The following FUOM variants were observed in gnomAD, a reference collection of about 807,000 sequenced individuals.
FUOM encodes protein fucU homolog.
In FUOM, 19 loss-of-function variants were observed where a neutral mutation model predicts 18.3. That is an observed-to-expected ratio of 1.04 (90% CI 0.73 to 1.53). The LOEUF (loss-of-function observed/expected upper bound fraction) is 1.53, where lower values mean the gene tolerates loss of function less well. FUOM is among the 40% of genes most tolerant of loss of function. The pLI, the probability that FUOM is intolerant of heterozygous loss-of-function variation, is 0.00. For synonymous variants in FUOM, 102 were observed against 87.9 expected (o/e 1.16, Z -0.90); for missense variants, 210 against 200.9 (o/e 1.04, Z -0.27).
intron 4 of FUOM, among the ~76,000 whole-genome samples, chr10:133,356,033 G>A (rs898040344): frequency 2.0e-5 from 3 of 152,198 alleles, no homozygotes; most frequent in African/African-American, 7.2e-5. Context: ...CCATGCTTGG[G>A]TCTCTGCCTG....
rs112587476 is a variant in FUOM at position 133,356,577 on chromosome 10, C to T, written c.324+63G>A. 58 of 1,313,380 alleles carry T rather than the reference C, an allele frequency of 4.4e-5. No homozygotes were observed. The African/African-American group carries it at 6.6e-4, about 15-fold the overall frequency. 81.4% of individuals were successfully genotyped at this position (1,313,380 alleles called of 1,614,324 possible). ...TTGGGACCCTCTGTCTTTGGCTCCT[C>T]CTGAGCCTCCAGGAGACAGAGGGTC... On this transcript the variant is annotated intron_variant, in intron 4 of 5. Transcript: ENST00000278025.
intron 1 of FUOM, chr10:133,357,456 T>C (rs1848846242): frequency 1.6e-6 from 1 of 627,988 alleles, no homozygotes. Context: ...GAGGGCAAGG[T>C]CCCTGCCTGG....
At chr10:133,353,287 C>G (rs1452941354), downstream of FUOM, among the ~76,000 whole-genome samples, 1 of 152,206 alleles carries the variant, frequency 6.6e-6, no homozygotes. Flanking sequence ...CTCTGGGTGC[C>G]CATCCTGTCC....
rs1848752764 is a variant in FUOM at position 133,355,348 on chromosome 10, G to A, written c.*22C>T. 2.5e-6 allele frequency: 4 copies of A among 1,585,586 alleles called. No homozygotes were observed. In the African/African-American group the frequency reaches 4.0e-5, roughly 16 times the overall value. On this transcript the variant is annotated 3_prime_UTR_variant, in exon 6 of 6. Transcript: ENST00000278025. ...CAGGGTGCCCCCAGTTCCTCTTCCG[G>A]CCCAGGTGGTCTTCACCAGGCCTAC... is the stretch of plus-strand genomic sequence containing the variant.
intron 5 of FUOM, 138 bp from the exon 6 acceptor site, chr10:133,355,574 C>CTGAGA: frequency 1.2e-6 from 2 of 1,604,332 alleles, no homozygotes; most frequent in African/African-American, 2.7e-5. Context: ...GCCCTGCCCC[C>CTGAGA]CCGAAATTCC....
chr10:133,357,080 A>G, intron 2 of FUOM, 67 bp from the exon 3 acceptor site: 1 of 1,540,212 alleles, frequency 6.5e-7, no homozygotes, highest in South Asian at 1.2e-5. Context: ...TGCACCCTTC[A>G]CACTGCAAGC....
At position 133,357,014 on chromosome 10, in the gene FUOM, C is replaced by T. The variant is rs369661640; in HGVS notation, c.155-1G>A. ...TCCAGGAGCTGCGGGATGCCCAGGC[C>T]TGGAGGGCAGAGGAGGCAGCACTCA... On this transcript the variant is annotated splice_acceptor_variant, in intron 2 of 5. Coordinates refer to ENST00000278025, the MANE Select transcript of FUOM (RefSeq NM_001098483.3). LOFTEE classifies it high-confidence loss of function. 6 of 1,549,984 alleles carry T rather than the reference C, an allele frequency of 3.9e-6. No homozygotes were observed. Among genetic ancestry groups the T allele is most frequent in the Non-Finnish European group, 4.4e-6 (5 of 1,146,926 alleles).
At chr10:133,357,899 G>T in intron 1 of FUOM, 24 bp downstream of exon 1, 1 of 1,513,244 alleles carries the variant, frequency 6.6e-7, no homozygotes. Context: ...GGTGCTCCCC[G>T]AGGCCCCGGC....
At chr10:133,353,834 G>T (rs1458097840), downstream of FUOM, among the ~76,000 whole-genome samples, 1 of 152,058 alleles carries the variant, frequency 6.6e-6, no homozygotes, top group Non-Finnish European at 1.5e-5. Flanking sequence ...GGCATTGAGG[G>T]ATCAACACGC....
At chr10:133,354,333 A>C (rs1229025879), downstream of FUOM, among the ~76,000 whole-genome samples, 1 of 152,196 alleles carries the variant, frequency 6.6e-6, no homozygotes, top group Non-Finnish European at 1.5e-5. Flanking sequence ...CCAAGCCCAG[A>C]CAGGGTCCCT....
intron 4 of FUOM, 75 bp from the exon 5 acceptor site, chr10:133,355,886 G>T: frequency 8.1e-7 from 1 of 1,239,424 alleles, no homozygotes; most frequent in Non-Finnish European, 1.2e-6. Context: ...ACTCCCCAGG[G>T]CCCAAAGCAG....
intron 1 of FUOM, chr10:133,357,579 C>T (rs1848850683): frequency 6.2e-6 from 3 of 487,236 alleles, no homozygotes; most frequent in Non-Finnish European, 1.1e-5. Flanking sequence ...CGGCTGCCCG[C>T]GATGCCCGGA....
chr10:133,354,796 C>A (rs1564796228), downstream of FUOM, among the ~76,000 whole-genome samples: 2 of 152,204 alleles, frequency 1.3e-5, no homozygotes, highest in Admixed American at 1.3e-4. Flanking sequence ...ATGCCACAGG[C>A]ATAGGGCATG....
Position 133,356,928 on chromosome 10 carries a change from C to T in FUOM, c.225+15G>A, listed in dbSNP as rs774142184. On this transcript the variant is annotated intron_variant, in intron 3 of 5. Coordinates refer to ENST00000278025, the MANE Select transcript of FUOM (RefSeq NM_001098483.3). ...GGCACGGAGCAGCAGGGTGCAGGGG[C>T]GACTCAGCCCTCACCGGACTCTCCA... The T allele has an allele frequency of 6.5e-6, 10 of 1,549,248 alleles. No individual in the cohort carries two copies. The East Asian group carries it at 1.5e-4, about 23-fold the overall frequency.
Position 133,357,256 on chromosome 10 carries a change from C to G in FUOM, c.86-1G>C. 6.4e-7 allele frequency: 1 copy of G among 1,574,668 alleles called. No homozygotes were observed. On this transcript the variant is annotated splice_acceptor_variant, in intron 1 of 5. Coordinates refer to ENST00000278025, the MANE Select transcript of FUOM (RefSeq NM_001098483.3). LOFTEE classifies it high-confidence loss of function. ...GCCGGGAAGTTCAAGTCCGCAAGAA[C>G]TAAACAGCCGGGAGGACAGCCCGTG...
In FUOM at chr10:133,355,326, G is replaced by T; in HGVS notation, c.*44C>A. On this transcript the variant is annotated 3_prime_UTR_variant, in exon 6 of 6. Transcript: ENST00000278025. ...TGTGAGTGGTGGTACTGGAGCTCAG[G>T]GTGCCCCCAGTTCCTCTTCCGGCCC... is the stretch of plus-strand genomic sequence containing the variant. 6.4e-7 allele frequency: 1 copy of T among 1,553,046 alleles called. No homozygotes were observed. Among genetic ancestry groups the T allele is most frequent in the South Asian group, 1.2e-5 (1 of 84,770 alleles).
intron 1 of FUOM, 45 bp from the exon 2 acceptor site, chr10:133,357,300 C>T: frequency 6.5e-7 from 1 of 1,542,060 alleles, no homozygotes; most frequent in Non-Finnish European, 8.8e-7. Context: ...TATCCCTGCC[C>T]TCGGGGTCGG....
At chr10:133,353,701 C>T (rs1304720786), downstream of FUOM, among the ~76,000 whole-genome samples, 2 of 152,174 alleles carry the variant, frequency 1.3e-5, no homozygotes, top group Non-Finnish European at 2.9e-5. Flanking sequence ...GTTACCCTGG[C>T]TTATGGATGA....
At position 133,355,267 on chromosome 10, in the gene FUOM, G is replaced by A. The variant is rs1399017758; in HGVS notation, c.*103C>T. 11 of 1,354,942 alleles carry A rather than the reference G, an allele frequency of 8.1e-6. No individual in the cohort carries two copies. Among genetic ancestry groups the A allele is most frequent in the African/African-American group, 1.5e-5 (1 of 68,736 alleles). 83.9% of individuals were successfully genotyped at this position (1,354,942 alleles called of 1,614,324 possible). A position where few individuals can be genotyped will look rare whatever the true frequency, so the allele number is the denominator to read the frequency against. ...GCCGGCCCCTAGAGCCCTGGCCAGGGCCCAGGTCTGGGAGCTGCCACTGGG... is the reference window on the plus strand; with the variant it reads ...GCCGGCCCCTAGAGCCCTGGCCAGGACCCAGGTCTGGGAGCTGCCACTGGG... On this transcript the variant is annotated 3_prime_UTR_variant, in exon 6 of 6. Coordinates refer to ENST00000278025, the MANE Select transcript of FUOM (RefSeq NM_001098483.3).
Sources: gnomAD v4.1 joint callset for allele counts (sites outside exome capture counted in the v4.1 genomes callset) on GRCh38, gnomAD v4.1.1 for gene constraint, MANE v1.5 for transcripts, NCBI Gene and HGNC (gene_info 2026-07-23, HGNC 2026-07-21) for gene names.